PDS5B: variants seen among roughly 807,000 people sequenced by gnomAD.
The protein encoded by PDS5B is PDS5 cohesin associated factor B, also known as sister chromatid cohesion protein PDS5 homolog B.
Under a neutral mutation model 184.1 loss-of-function variants are expected in PDS5B, and 51 were observed. The ratio of observed to expected loss-of-function variants is 0.28; its 90% CI spans 0.22 to 0.35. The LOEUF (loss-of-function observed/expected upper bound fraction) is 0.35, where lower values mean the gene tolerates loss of function less well. Among genes scored for constraint, PDS5B ranks in the 10% least tolerant of loss-of-function variants. The pLI is 1.00. For missense variants in PDS5B, 1,180 were observed against 1,723.3 expected (o/e 0.68, Z 5.58); for synonymous variants, 566 against 569.2 (o/e 0.99, Z 0.08).
rs747421374 is a variant in PDS5B, at chr13:32,648,888, A to G, written c.108+8A>G. On this transcript the variant is annotated splice_region_variant and intron_variant, in intron 2 of 34. Coordinates refer to ENST00000315596, the MANE Select transcript of PDS5B (RefSeq NM_015032.4). ...ATGGTGAGACGATTAAAGGTGAGTA[A>G]AATTCTATTCTTTTTTACATCTGTG... 5 of 1,183,186 alleles carry G rather than the reference A, an allele frequency of 4.2e-6. No homozygotes were observed. Among genetic ancestry groups the G allele is most frequent in the Non-Finnish European group, 6.4e-6 (5 of 786,902 alleles). The allele number at this position is 1,183,186 out of a possible 1,614,324, so 73.3% of individuals were successfully genotyped here.
chr13:32,604,047 C>T (rs2058021338), intron 1 of PDS5B, among the ~76,000 whole-genome samples: 1 of 152,196 alleles, frequency 6.6e-6, no homozygotes, highest in Non-Finnish European at 1.5e-5. Flanking sequence ...TTCCTCTTTT[C>T]CTAATTGAAT....
At chr13:32,712,711 A>G (rs1952246980) in intron 19 of PDS5B, among the ~76,000 whole-genome samples, 3 of 152,214 alleles carry the variant, frequency 2.0e-5, no homozygotes, top group Admixed American at 6.5e-5. Flanking sequence ...GGATATTGCT[A>G]TATGGACACA....
intron 26 of PDS5B, among the ~76,000 whole-genome samples, 160 bp downstream of exon 26, chr13:32,756,116 T>C (rs1422351291): frequency 1.3e-5 from 2 of 152,118 alleles, no homozygotes; most frequent in East Asian, 3.8e-4. Context: ...TTTCATACCA[T>C]CTCTTTATAT....
intron 26 of PDS5B, among the ~76,000 whole-genome samples, chr13:32,757,622 T>C (rs929087298): frequency 1.3e-5 from 2 of 152,208 alleles, no homozygotes; most frequent in African/African-American, 4.8e-5. Context: ...ATCTTGACTT[T>C]TTCTCTCTAT....
At chr13:32,716,645 G>GC (rs1416569688) in intron 19 of PDS5B, among the ~76,000 whole-genome samples, 1 of 129,306 alleles carries the variant, frequency 7.7e-6, no homozygotes, top group East Asian at 2.3e-4. Flanking sequence ...CCGGCCAGCC[G>GC]CCCCGTTTGG....
chr13:32,630,115 CTTTT>C (rs913650421), intron 1 of PDS5B, among the ~76,000 whole-genome samples: 1 of 152,154 alleles, frequency 6.6e-6, no homozygotes, highest in African/African-American at 2.4e-5. Context: ...CCTTAACTTT[CTTTT>C]TTGACGATAG....
chr13:32,643,035 A>G (rs919201726), intron 1 of PDS5B, among the ~76,000 whole-genome samples: 3 of 152,020 alleles, frequency 2.0e-5, no homozygotes, highest in Admixed American at 1.3e-4. Context: ...GGATGAGTAT[A>G]TTTTACAAGG....
intron 1 of PDS5B, among the ~76,000 whole-genome samples, chr13:32,610,150 A>G (rs1298651877): frequency 6.6e-6 from 1 of 152,210 alleles, no homozygotes; most frequent in Non-Finnish European, 1.5e-5. Context: ...GGTGTGTCTT[A>G]TGTATCAGTG....
At chr13:32,729,701 T>C (rs1953035906) in intron 19 of PDS5B, among the ~76,000 whole-genome samples, 1 of 152,242 alleles carries the variant, frequency 6.6e-6, no homozygotes, top group African/African-American at 2.4e-5. Context: ...TGACCAGTGA[T>C]GATGGGCTTT....
chr13:32,771,044 A>C, intron 33 of PDS5B: 1 of 285,296 alleles, frequency 3.5e-6, no homozygotes, highest in Non-Finnish European at 6.5e-6. Context: ...ATTTTTAAAT[A>C]ATCACCACAC....
At chr13:32,716,158 C>T (rs1452232961) in intron 19 of PDS5B, among the ~76,000 whole-genome samples, 1 of 142,848 alleles carries the variant, frequency 7.0e-6, no homozygotes, top group Non-Finnish European at 1.5e-5. Flanking sequence ...GCCTGGCTGC[C>T]CAGTCTGGAT....
At chr13:32,736,284 A>G (rs1371050616) in intron 21 of PDS5B, among the ~76,000 whole-genome samples, 1 of 151,928 alleles carries the variant, frequency 6.6e-6, no homozygotes. Flanking sequence ...CTAAAGAACT[A>G]CTTTAGTACT....
At chr13:32,731,950 ATCATAGGCCTT>A (rs1953137348) in intron 19 of PDS5B, 140 bp from the exon 20 acceptor site, 1 of 531,458 alleles carries the variant, frequency 1.9e-6, no homozygotes, top group East Asian at 3.3e-5. Flanking sequence ...ATAAAGCAAA[ATCATAGGCCTT>A]TGGAAGTGAG....
At chr13:32,683,174 G>C (rs1052849922) in intron 10 of PDS5B, among the ~76,000 whole-genome samples, 2 of 151,834 alleles carry the variant, frequency 1.3e-5, no homozygotes, top group Non-Finnish European at 2.9e-5. Context: ...CACCACACTT[G>C]GCTAATTTTT....
chr13:32,736,735 C>G (rs1024296236), intron 21 of PDS5B, among the ~76,000 whole-genome samples: 10 of 152,032 alleles, frequency 6.6e-5, no homozygotes, highest in African/African-American at 2.4e-4. Flanking sequence ...TACTGCAGTT[C>G]TATTAACACA....
chr13:32,606,025 T>G (rs1364374078), intron 1 of PDS5B, among the ~76,000 whole-genome samples: 1 of 152,220 alleles, frequency 6.6e-6, no homozygotes, highest in African/African-American at 2.4e-5. Context: ...TTATCCAATT[T>G]GCCAGTCTGT....
At chr13:32,762,806 T>C (rs1230428301) in intron 30 of PDS5B, among the ~76,000 whole-genome samples, 5 of 152,192 alleles carry the variant, frequency 3.3e-5, no homozygotes, top group Admixed American at 2.0e-4. Context: ...CTAGTTTACT[T>C]CCTTATTCCT....
At chr13:32,769,013 G>C (rs1207643) in intron 31 of PDS5B, among the ~76,000 whole-genome samples, 3 of 151,034 alleles carry the variant, frequency 2.0e-5, no homozygotes, top group African/African-American at 7.3e-5. Flanking sequence ...CCAGCTACTC[G>C]GGAGAAGGCT....
intron 9 of PDS5B, 72 bp downstream of exon 9, chr13:32,676,031 C>T: frequency 1.3e-6 from 1 of 783,820 alleles, no homozygotes; most frequent in Non-Finnish European, 2.2e-6. Context: ...AAACATTATC[C>T]ACATTTAAAC....
Sources: gnomAD v4.1 joint callset for allele counts (sites outside exome capture counted in the v4.1 genomes callset) on GRCh38, gnomAD v4.1.1 for gene constraint, MANE v1.5 for transcripts, NCBI Gene and HGNC (gene_info 2026-07-23, HGNC 2026-07-21) for gene names.